The following TJP2 variants were observed in gnomAD, a reference collection of about 807,000 sequenced individuals.
TJP2 encodes Friedreich ataxia region gene X104 (tight junction protein ZO-2).
Under a neutral mutation model 133.1 loss-of-function variants are expected in TJP2, and 91 were observed. The ratio of observed to expected loss-of-function variants is 0.68; its 90% confidence interval spans 0.58 to 0.81. The LOEUF (loss-of-function observed/expected upper bound fraction) is 0.81, where lower values mean the gene tolerates loss of function less well. Among genes scored for constraint, TJP2 ranks in the 40% least tolerant of loss-of-function variants. The pLI is 0.00. For synonymous variants in TJP2, 592 were observed against 583.4 expected (o/e 1.01, Z -0.21); for missense variants, 1,541 against 1,565.6 (o/e 0.98, Z 0.26).
In TJP2 at chr9:69,221,091, CGGGCCCG is replaced by C; in HGVS notation, c.549_555del (p.Arg185GlyfsTer124). 3.2e-6 allele frequency: 5 copies of C among 1,585,870 alleles called. No individual in the cohort carries two copies. Among genetic ancestry groups the C allele is most frequent in the Non-Finnish European group, 4.3e-6 (5 of 1,166,606 alleles). On this transcript the variant is annotated frameshift_variant, in exon 5 of 23. Coordinates refer to ENST00000377245, the MANE Select transcript of TJP2 (RefSeq NM_004817.4). LOFTEE classifies it high-confidence loss of function. ...CCCGGAAAGGGGGCGTCCCCATGAGCGGGCCCGGAGCCGGGAGCGGGACCTCAGCCGG... is the reference window on the plus strand; with the variant it reads ...CCCGGAAAGGGGGCGTCCCCATGAGCGAGCCGGGAGCGGGACCTCAGCCGG...
In TJP2 at chr9:69,220,900, C is replaced by T. The variant is rs1381055371; in HGVS notation, c.356C>T (p.Pro119Leu). The T allele has an allele frequency of 6.2e-7, 1 of 1,612,294 alleles. No individual in the cohort carries two copies. Among genetic ancestry groups the T allele is most frequent in the Non-Finnish European group, 8.5e-7 (1 of 1,180,028 alleles). ...GKVAAIVVKRPRKVQVAALQA... is the reference protein window; with the variant it reads ...GKVAAIVVKRLRKVQVAALQA... ...TTTTGACAACAGGTGGTCAAGAGGC[C>T]CCGGAAGGTCCAGGTGGCCGCACTT... The change falls in exon 5 of 23, where the codon CCC (proline) becomes CTC (leucine). Residue 119 changes from proline (P) to leucine (L), a missense_variant. Coordinates refer to ENST00000377245, the MANE Select transcript of TJP2 (RefSeq NM_004817.4).
intron 1 of TJP2, among the ~76,000 whole-genome samples, chr9:69,208,220 T>C (rs1827586980): frequency 6.6e-6 from 1 of 152,218 alleles, no homozygotes; most frequent in African/African-American, 2.4e-5. Context: ...TCCCTTCCTT[T>C]ACAATTAAGA....
intron 2 of TJP2, among the ~76,000 whole-genome samples, chr9:69,166,035 C>G (rs1323382651): frequency 6.6e-6 from 1 of 152,246 alleles, no homozygotes; most frequent in Non-Finnish European, 1.5e-5. Context: ...ACCCAGGACT[C>G]TCCCCAAACA....
chr9:69,221,092 G>A lies in TJP2; in HGVS notation c.548G>A (p.Arg183Gln). Reference sequence around the variant, plus strand: ...CCGGAAAGGGGGCGTCCCCATGAGCGGGCCCGGAGCCGGGAGCGGGACCTC... The same window carrying A: ...CCGGAAAGGGGGCGTCCCCATGAGCAGGCCCGGAGCCGGGAGCGGGACCTC... ...DSPERGRPHE[R>Q]ARSRERDLSR... The change falls in exon 5 of 23, where the codon CGG (arginine) becomes CAG (glutamine). Residue 183 changes from arginine (R) to glutamine (Q), a missense_variant. Transcript: ENST00000377245. The A allele has an allele frequency of 1.9e-6, 3 of 1,585,956 alleles. No individual in the cohort carries two copies. The highest frequency in any genetic ancestry group is 1.9e-4 in the Middle Eastern group (1 of 5,216).
At chr9:69,227,907 A>G (rs1000197979) in intron 8 of TJP2, 34 bp downstream of exon 8, 10 of 1,608,722 alleles carry the variant, frequency 6.2e-6, no homozygotes, top group Non-Finnish European at 6.8e-6. Context: ...TGTACATGTC[A>G]TTGTGAATGT....
chr9:69,235,333 A>AT (rs1830104397), intron 12 of TJP2, among the ~76,000 whole-genome samples: 2 of 148,962 alleles, frequency 1.3e-5, no homozygotes, highest in South Asian at 2.1e-4. Context: ...ATTTATTATT[A>AT]TTTTTTTGAG....
chr9:69,159,069 C>T (rs1046036525), intron 2 of TJP2, among the ~76,000 whole-genome samples: 13 of 151,644 alleles, frequency 8.6e-5, no homozygotes, highest in Admixed American at 1.3e-4. Context: ...CTTTGGGAGG[C>T]TGAGGTGGGC....
Position 69,124,116 on chromosome 9 carries a change from G to C in TJP2, c.-131+2391G>C, listed in dbSNP as rs370967715. The stretch of plus-strand genomic sequence containing the variant: ...AGGATGGTCTTGATCTCCTGACCTC[G>C]TGATCCGCCCACCTCGGCCTTCCAA... On this transcript the variant is annotated intron_variant, in intron 1 of 5. Transcript: ENST00000423935. 5.3e-5 allele frequency among the ~76,000 whole-genome samples: 4 copies of C among 74,978 alleles called. 2 individuals carry two copies. The highest frequency in any genetic ancestry group is 1.6e-4 in the African/African-American group (4 of 24,464). 49.2% of individuals were successfully genotyped at this position (74,978 alleles called of 152,430 possible). A position where few individuals can be genotyped will look rare whatever the true frequency, so the allele number is the denominator to read the frequency against.
intron 1 of TJP2, among the ~76,000 whole-genome samples, chr9:69,209,229 T>G (rs1827671249): frequency 6.6e-6 from 1 of 152,078 alleles, no homozygotes; most frequent in Non-Finnish European, 1.5e-5. Context: ...ACCTCCCAGG[T>G]TCAAGTGATT....
intron 2 of TJP2, among the ~76,000 whole-genome samples, chr9:69,158,327 CA>C (rs1156502519): frequency 0.2 from 10,566 of 52,406 alleles, 149 homozygotes; most frequent in Non-Finnish European, 0.22. Context: ...GACTTTGCCT[CA>C]AAAAAAAAAA....
Position 69,154,820 on chromosome 9 carries a change from A to G in TJP2, c.-10+3049A>G, listed in dbSNP as rs141409599. On this transcript the variant is annotated intron_variant, in intron 2 of 5. Transcript: ENST00000423935. ...AAATAAAAATTAAAAAAAAGATGCT[A>G]ATAGTCTGGTGAAGAGCTTCATTTT... Among the ~76,000 whole-genome samples the G allele has an allele frequency of 2.6e-5, 4 of 152,170 alleles. No homozygotes were observed. In the East Asian group the frequency reaches 7.7e-4, roughly 29 times the overall value.
At chr9:69,137,261 C>CTTTA (rs1822790794) in intron 1 of TJP2, among the ~76,000 whole-genome samples, 1 of 81,508 alleles carries the variant, frequency 1.2e-5, no homozygotes, top group African/African-American at 6.4e-5. Flanking sequence ...TTCTTTCTTT[C>CTTTA]TTTCTTTCTT....
At chr9:69,179,108 G>C (rs1825301546) in intron 1 of TJP2, among the ~76,000 whole-genome samples, 1 of 152,120 alleles carries the variant, frequency 6.6e-6, no homozygotes, top group Non-Finnish European at 1.5e-5. Flanking sequence ...GCTCATGGCA[G>C]GCGAATGAAT....
At chr9:69,184,752 CTTTTTT>C (rs564424748) in intron 1 of TJP2, among the ~76,000 whole-genome samples, 2 of 125,860 alleles carry the variant, frequency 1.6e-5, no homozygotes, top group Non-Finnish European at 3.2e-5. Flanking sequence ...TCTCTCTCTT[CTTTTTT>C]TTTTTTTTTT....
chr9:69,225,419 G>T lies in TJP2; in HGVS notation c.1056+12G>T. ...ACATAATTCTCAAGGTGGGTAGATG[G>T]GGGCAGAGAACGGTAGTGTGCATAC... On this transcript the variant is annotated intron_variant, in intron 6 of 22. Coordinates refer to ENST00000377245, the MANE Select transcript of TJP2 (RefSeq NM_004817.4). The T allele has an allele frequency of 1.9e-6, 3 of 1,582,340 alleles. No individual in the cohort carries two copies. The highest frequency in any genetic ancestry group is 2.6e-6 in the Non-Finnish European group (3 of 1,151,722).
intron 1 of TJP2, among the ~76,000 whole-genome samples, chr9:69,198,808 G>A (rs1252500532): frequency 6.6e-6 from 1 of 152,252 alleles, no homozygotes; most frequent in African/African-American, 2.4e-5. Flanking sequence ...AAAGGGTTTT[G>A]TTTGTAAAAC....
chr9:69,230,265 A>T (rs756198048), intron 11 of TJP2, 33 bp downstream of exon 11: 8 of 1,613,356 alleles, frequency 5.0e-6, no homozygotes, highest in African/African-American at 1.3e-5. Flanking sequence ...TCTAGAAGTT[A>T]CTTGTAAGGA....
chr9:69,154,560 C>T (rs1031450329), intron 2 of TJP2, among the ~76,000 whole-genome samples: 3 of 151,224 alleles, frequency 2.0e-5, no homozygotes, highest in African/African-American at 4.9e-5. Flanking sequence ...GAGGCTGAGG[C>T]GGGAGGATCG....
intron 1 of TJP2, among the ~76,000 whole-genome samples, chr9:69,198,707 A>T (rs1331645980): frequency 1.3e-5 from 2 of 152,234 alleles, no homozygotes; most frequent in South Asian, 2.1e-4. Flanking sequence ...AGATTTAATC[A>T]TCCACTGCCG....
Sources: gnomAD v4.1 joint callset for allele counts (sites outside exome capture counted in the v4.1 genomes callset) on GRCh38, gnomAD v4.1.1 for gene constraint, MANE v1.5 for transcripts, NCBI Gene and HGNC (gene_info 2026-07-23, HGNC 2026-07-21) for gene names.